Variants in MEGF10 observed in about 807,000 individuals in gnomAD.
MEGF10 encodes multiple EGF like domains 10.
MEGF10 carries 86 observed loss-of-function variants against 147.5 expected under a neutral mutation model. That is an observed-to-expected ratio of 0.58 (90% CI 0.49 to 0.70). MEGF10 has a LOEUF of 0.70. Ranked by LOEUF, MEGF10 falls within the 30% of genes least tolerant of loss-of-function variation. The pLI, the probability that MEGF10 is intolerant of heterozygous loss-of-function variation, is 0.00. For missense variants in MEGF10, 1,329 were observed against 1,487.3 expected, an observed-to-expected ratio of 0.89 and a Z score of 1.75; for synonymous variants, 478 against 525.5, an observed-to-expected ratio of 0.91 and a Z score of 1.24.
chr5:127,457,083 A>T, intron 24 of MEGF10, 45 bp from the exon 25 acceptor site: 1 of 1,509,386 alleles, frequency 6.6e-7, no homozygotes, highest in Non-Finnish European at 8.9e-7. Context: ...TCTTTTTAAA[A>T]ACATTTCCTT....
the MEGF10 span, among the ~76,000 whole-genome samples, chr5:127,270,737 T>C: frequency 6.6e-6 from 1 of 152,246 alleles, no homozygotes; most frequent in South Asian, 2.1e-4. Flanking sequence ...TGCCCTCTGA[T>C]AGGACCCAGT....
intron 9 of MEGF10, among the ~76,000 whole-genome samples, chr5:127,415,636 G>A (rs907260314): frequency 1.3e-5 from 2 of 152,100 alleles, no homozygotes; most frequent in African/African-American, 4.8e-5. Context: ...AGGCATGGTG[G>A]CTCACGCTTA....
intron 22 of MEGF10, among the ~76,000 whole-genome samples, chr5:127,451,202 T>G (rs78578074): frequency 2.6e-5 from 4 of 152,216 alleles, no homozygotes; most frequent in African/African-American, 9.7e-5. Flanking sequence ...GATTTCAAAG[T>G]TGATCTTCTG....
At chr5:127,333,666 A>G (rs530790336) in intron 2 of MEGF10, among the ~76,000 whole-genome samples, 1 of 152,336 alleles carries the variant, frequency 6.6e-6, no homozygotes, top group African/African-American at 2.4e-5. Context: ...TGTCTGGCTC[A>G]CCACTGATAA....
At chr5:127,435,587 G>T in intron 16 of MEGF10, 98 bp downstream of exon 16, 1 of 1,186,474 alleles carries the variant, frequency 8.4e-7, no homozygotes, top group Non-Finnish European at 1.1e-6. Flanking sequence ...AATCAAGAAA[G>T]AATATATGAC....
intron 4 of MEGF10, 88 bp downstream of exon 4, chr5:127,340,718 G>A: frequency 9.8e-7 from 1 of 1,019,788 alleles, no homozygotes; most frequent in South Asian, 1.4e-5. Flanking sequence ...CAGAGGTCTG[G>A]GGAGATGGGT....
intron 1 of MEGF10, among the ~76,000 whole-genome samples, chr5:127,305,715 T>C (rs935836840): frequency 1.3e-5 from 2 of 152,122 alleles, no homozygotes; most frequent in African/African-American, 4.8e-5. Flanking sequence ...CAAGGCAGTA[T>C]GTAAATGCTG....
the MEGF10 span, among the ~76,000 whole-genome samples, chr5:127,271,895 C>T: frequency 7.2e-5 from 11 of 151,992 alleles, no homozygotes; most frequent in Admixed American, 3.9e-4. Context: ...TACACTATTT[C>T]GAGTTTCTTT....
chr5:127,389,037 C>T (rs138520981), intron 5 of MEGF10, among the ~76,000 whole-genome samples: 253 of 152,252 alleles, frequency 1.7e-3, no homozygotes, highest in Non-Finnish European at 3.0e-3. Flanking sequence ...GAATATTATA[C>T]TTAACCGAAA....
chr5:127,441,350 G>A (rs979499329), intron 18 of MEGF10, among the ~76,000 whole-genome samples: 6 of 152,146 alleles, frequency 3.9e-5, no homozygotes, highest in Admixed American at 1.3e-4. Context: ...TCTCTAGATC[G>A]TACTTTTATA....
At chr5:127,400,522 C>T (rs907820144) in intron 7 of MEGF10, among the ~76,000 whole-genome samples, 3 of 152,196 alleles carry the variant, frequency 2.0e-5, no homozygotes, top group Non-Finnish European at 4.4e-5. Flanking sequence ...CTTTCATTTC[C>T]TATACTCAGC....
Position 127,369,980 on chromosome 5 carries a change from G to C in MEGF10, c.390G>C (p.Trp130Cys), listed in dbSNP as rs1258352907. Residue 130 changes from tryptophan to cysteine, a missense_variant, in exon 5 of 25, where the codon TGG (tryptophan) becomes TGC (cysteine). Around this residue, in one of 3 missense-constraint regions of MEGF10, gnomAD observed 980 missense variants for 1,085.9 expected, o/e 0.90. Transcript: ENST00000503335. ...ACACCTGTCAGTGTGAGCCTGGCTG[G>C]GGAGGGACCAACTGCTCCAGTGGTA... ...APNTCQCEPG[W>C]GGTNCSSACD... 6.2e-7 allele frequency: 1 copy of C among 1,613,342 alleles called. No individual in the cohort carries two copies. The highest frequency in any genetic ancestry group is 8.5e-7 in the Non-Finnish European group (1 of 1,179,584).
chr5:127,334,571 AC>A (rs1165344095), intron 2 of MEGF10, among the ~76,000 whole-genome samples: 3 of 152,326 alleles, frequency 2.0e-5, no homozygotes, highest in African/African-American at 7.2e-5. Flanking sequence ...AAGAAATTGT[AC>A]ATAAAATGAA....
chr5:127,238,157 G>A, the MEGF10 span, among the ~76,000 whole-genome samples: 1 of 151,538 alleles, frequency 6.6e-6, no homozygotes, highest in Non-Finnish European at 1.5e-5. Flanking sequence ...CAGGGTTCAA[G>A]CAATTCTCCT....
Position 127,330,718 on chromosome 5 carries a change from A to G in MEGF10, c.-18-573A>G, listed in dbSNP as rs555617576. On this transcript the variant is annotated intron_variant, in intron 1 of 24. Coordinates refer to ENST00000503335, the MANE Select transcript of MEGF10 (RefSeq NM_001256545.2). Reference sequence around the variant, plus strand: ...AAACTTATGTCATGATTACTAAGTTATAAGTATCTTAACAGGCAGAGATAG... The same window carrying G: ...AAACTTATGTCATGATTACTAAGTTGTAAGTATCTTAACAGGCAGAGATAG... 1.7e-3 allele frequency among the ~76,000 whole-genome samples: 266 copies of G among 152,348 alleles called. 1 individual carries two copies. Among genetic ancestry groups the G allele is most frequent in the African/African-American group, 6.2e-3 (257 of 41,588 alleles).
chr5:127,383,354 G>C (rs890446252), intron 5 of MEGF10, among the ~76,000 whole-genome samples: 7 of 151,996 alleles, frequency 4.6e-5, no homozygotes, highest in African/African-American at 1.7e-4. Context: ...TATAGTCCTA[G>C]CTACCAAGCA....
chr5:127,435,266 GC>G, intron 15 of MEGF10, 94 bp from the exon 16 acceptor site: 2 of 1,446,258 alleles, frequency 1.4e-6, no homozygotes, highest in Non-Finnish European at 1.9e-6. Flanking sequence ...GAGCAGCTGG[GC>G]CTGTGACCTT....
At position 127,396,648 on chromosome 5, in the gene MEGF10, C is replaced by T. The variant is rs748641801; in HGVS notation, c.529C>T (p.Arg177Cys). ...CTGTGCTGCGGGCTTCCGGGGCTGG[C>T]GCTGCGAGGACCGCTGTGAGCAGGG... ...CHCAAGFRGWRCEDRCEQGTY... is the reference protein window; with the variant it reads ...CHCAAGFRGWCCEDRCEQGTY... The change falls in exon 6 of 25, where the codon CGC becomes TGC. Residue 177 changes from arginine (R) to cysteine (C), a missense_variant. Physicochemically the swap from Arg to Cys is radical, Grantham distance 180. Around this residue, in one of 3 missense-constraint regions of MEGF10, gnomAD observed 980 missense variants for 1,085.9 expected, o/e 0.90. Transcript: ENST00000503335. 1.1e-5 allele frequency: 18 copies of T among 1,614,046 alleles called. No homozygotes were observed. The highest frequency in any genetic ancestry group is 2.2e-5 in the East Asian group (1 of 44,886).
In MEGF10 at chr5:127,417,731, T is replaced by C. The variant is rs139574266; in HGVS notation, c.1224T>C (p.Ala408=). 9.3e-6 allele frequency: 15 copies of C among 1,614,018 alleles called. No homozygotes were observed. In the African/African-American group the frequency reaches 1.9e-4, roughly 20 times the overall value. The change falls in exon 10 of 25, where the codon GCT becomes GCC. Residue 408 remains alanine (A), a synonymous_variant. Coordinates refer to ENST00000503335, the MANE Select transcript of MEGF10 (RefSeq NM_001256545.2). The stretch of plus-strand genomic sequence containing the variant: ...GTTCTCCTGGATTCTACGGGGAAGC[T>C]TGCCAGCAGATCTGCAGCTGCCAAA... ...ETCSPGFYGE[A]CQQICSCQNG...
Sources: gnomAD v4.1 joint callset for allele counts (sites outside exome capture counted in the v4.1 genomes callset) on GRCh38, gnomAD v4.1.1 for gene constraint, gnomAD v4.1.1 regional missense constraint, MANE v1.5 for transcripts, NCBI Gene and HGNC (gene_info 2026-07-23, HGNC 2026-07-21) for gene names.